Variants in FAT4 observed in about 807,000 individuals in gnomAD.
The protein encoded by FAT4 is FAT atypical cadherin 4.
FAT4 carries 84 observed loss-of-function variants against 303.9 expected under a neutral mutation model. The observed-to-expected ratio is 0.28, with a 90% CI of 0.23 to 0.33. FAT4 has a LOEUF of 0.33. FAT4 is among the 10% of genes least tolerant of loss of function. The probability of loss-of-function intolerance (pLI) is 1.00; values close to 1 mark genes in which losing one functional copy is unlikely to be tolerated. For synonymous variants in FAT4, 2,307 were observed against 2,298.8 expected (o/e 1.00, Z -0.10); for missense variants, 6,005 against 6,146.8 (o/e 0.98, Z 0.77).
chr4:125,394,584 GT>G (rs1734096645), intron 2 of FAT4, among the ~76,000 whole-genome samples: 1 of 152,072 alleles, frequency 6.6e-6, no homozygotes, highest in Admixed American at 6.6e-5. Flanking sequence ...AAATAAAAGG[GT>G]TTTAAGAATT....
chr4:125,394,352 C>A (rs1578592552), intron 2 of FAT4, among the ~76,000 whole-genome samples: 3 of 152,004 alleles, frequency 2.0e-5, no homozygotes, highest in African/African-American at 4.8e-5. Flanking sequence ...GCAATTTTAC[C>A]TCCAGTCTAA....
intron 2 of FAT4, among the ~76,000 whole-genome samples, chr4:125,376,945 C>T (rs117838349): frequency 2.0e-5 from 3 of 152,044 alleles, no homozygotes; most frequent in Middle Eastern, 3.4e-3. Flanking sequence ...TTGGATGCCA[C>T]GATTAAATAT....
At chr4:125,351,229 A>AAG (rs1732213490) in intron 2 of FAT4, among the ~76,000 whole-genome samples, 2 of 151,784 alleles carry the variant, frequency 1.3e-5, no homozygotes, top group South Asian at 4.1e-4. Context: ...ATATGAAGAT[A>AAG]AGTTTGGTGC....
chr4:125,416,461 A>G lies in FAT4; in HGVS notation c.6857A>G (p.Asp2286Gly). The G allele has an allele frequency of 6.2e-7, 1 of 1,613,428 alleles. No individual in the cohort carries two copies. The highest frequency in any genetic ancestry group is 8.5e-7 in the Non-Finnish European group (1 of 1,179,626). ...ACTGTTCTACAGGTGGTGGCAAGAG[A>G]TGATGATCGAGGATCTAACAGCAAA... ...PRTILQVVAR[D>G]DDRGSNSKLS... Residue 2286 changes from aspartate (D) to glycine (G), a missense_variant, in exon 7 of 18, where the codon GAT becomes GGT. By Grantham distance (94) the Asp-to-Gly change is moderately conservative. Coordinates refer to ENST00000394329, the MANE Select transcript of FAT4 (RefSeq NM_001291303.3).
At position 125,451,432 on chromosome 4, in the gene FAT4, C is replaced by A; in HGVS notation, c.10422C>A (p.Thr3474=). The A allele has an allele frequency of 2.5e-6, 4 of 1,614,098 alleles. No individual in the cohort carries two copies. The highest frequency in any genetic ancestry group is 1.1e-5 in the South Asian group (1 of 91,080). The stretch of plus-strand genomic sequence containing the variant: ...TTACTGCAGAATTAGATCGAGAAAC[C>A]CTTCCCATCTATAATCTCTCAGTTT... ...ITVTAELDRE[T]LPIYNLSVLA... is the part of the protein sequence containing the mutation. The change falls in exon 10 of 18, where the codon ACC becomes ACA. Residue 3474 remains threonine, a synonymous_variant. Coordinates refer to ENST00000394329, the MANE Select transcript of FAT4 (RefSeq NM_001291303.3).
In FAT4 at chr4:125,448,675, A is replaced by T. The variant is rs751226770; in HGVS notation, c.7665A>T (p.Thr2555=). Residue 2555 remains threonine (T), a synonymous_variant, in exon 10 of 18, where the codon ACA becomes ACT. Transcript: ENST00000394329. ...CATTTCCAAAGACAGATTCTACAAC[A>T]GTGACTGTTAGATTCGTGAATAAGG... The part of the protein sequence containing the change: ...GGSFPKTDST[T]VTVRFVNKAD... 1 of 1,613,976 alleles carries T rather than the reference A, an allele frequency of 6.2e-7. No homozygotes were observed. The highest frequency in any genetic ancestry group is 8.5e-7 in the Non-Finnish European group (1 of 1,179,902).
Position 125,451,445 on chromosome 4 carries a change from A to T in FAT4, c.10435A>T (p.Asn3479Tyr). 1 of 1,614,122 alleles carries T rather than the reference A, an allele frequency of 6.2e-7. No individual in the cohort carries two copies. The highest frequency in any genetic ancestry group is 8.5e-7 in the Non-Finnish European group (1 of 1,180,024). ...AGATCGAGAAACCCTTCCCATCTAT[A>T]ATCTCTCAGTTTTGGCTGTTGATTC... is the stretch of plus-strand genomic sequence containing the variant. Reference protein sequence around the residue: ...ELDRETLPIYNLSVLAVDSGT... With the variant: ...ELDRETLPIYYLSVLAVDSGT... The change falls in exon 10 of 18, where the codon AAT (asparagine) becomes TAT (tyrosine). Residue 3479 changes from asparagine (N) to tyrosine (Y), a missense_variant. Coordinates refer to ENST00000394329, the MANE Select transcript of FAT4 (RefSeq NM_001291303.3).
chr4:125,472,350 A>G (rs920325556), intron 12 of FAT4, among the ~76,000 whole-genome samples: 1 of 152,150 alleles, frequency 6.6e-6, no homozygotes, highest in African/African-American at 2.4e-5. Flanking sequence ...AATTTTTGCC[A>G]CTAAATGTAT....
At chr4:125,477,591 C>T in intron 14 of FAT4, among the ~76,000 whole-genome samples, 1 of 149,916 alleles carries the variant, frequency 6.7e-6, no homozygotes, top group African/African-American at 2.5e-5. Flanking sequence ...ATGTTTTATC[C>T]TCTTACAGAG....
At chr4:125,327,470 C>G (rs1045530364) in intron 2 of FAT4, among the ~76,000 whole-genome samples, 1 of 152,024 alleles carries the variant, frequency 6.6e-6, no homozygotes, top group Non-Finnish European at 1.5e-5. Context: ...AAAAAACAGC[C>G]TGGGATAAAT....
intron 2 of FAT4, among the ~76,000 whole-genome samples, chr4:125,395,151 C>G (rs1734118512): frequency 6.6e-6 from 1 of 152,018 alleles, no homozygotes; most frequent in Non-Finnish European, 1.5e-5. Context: ...ATCTTCTCTC[C>G]TAGATAATTA....
chr4:125,377,576 TG>T (rs1733382512), intron 2 of FAT4, among the ~76,000 whole-genome samples: 1 of 152,134 alleles, frequency 6.6e-6, no homozygotes, highest in South Asian at 2.1e-4. Flanking sequence ...CATACTTGAG[TG>T]GTTATTCTGC....
intron 7 of FAT4, among the ~76,000 whole-genome samples, chr4:125,417,991 A>G (rs572932023): frequency 3.9e-5 from 6 of 152,306 alleles, no homozygotes; most frequent in African/African-American, 1.4e-4. Flanking sequence ...TTTCAGGAGA[A>G]TGTGAGTTTT....
chr4:125,471,925 A>C (rs1302682987), intron 12 of FAT4, among the ~76,000 whole-genome samples: 2 of 138,410 alleles, frequency 1.4e-5, no homozygotes, highest in African/African-American at 2.7e-5. Flanking sequence ...AAAAAAAAAA[A>C]AATTAGCCCG....
Position 125,489,894 on chromosome 4 carries a change from C to G in FAT4, c.13085-7C>G. 1 of 775,868 alleles carries G rather than the reference C, an allele frequency of 1.3e-6. No individual in the cohort carries two copies. Among genetic ancestry groups the G allele is most frequent in the Non-Finnish European group, 1.8e-6 (1 of 567,540 alleles). The allele number at this position is 775,868 out of a possible 1,614,324, so 48.1% of individuals were successfully genotyped here. On this transcript the variant is annotated splice_polypyrimidine_tract_variant and splice_region_variant and intron_variant, in intron 17 of 17. Coordinates refer to ENST00000394329, the MANE Select transcript of FAT4 (RefSeq NM_001291303.3). The stretch of plus-strand genomic sequence containing the variant: ...GTAAAAAGCCTTACTCCTTCTTCTT[C>G]TCCCAGCAGGTTTTGATGGCTGCAT...
Position 125,315,700 on chromosome 4 carries a change from C to A in FAT4, c.-290C>A, listed in dbSNP as rs1434308889. Among the ~76,000 whole-genome samples the A allele has an allele frequency of 6.6e-6, 1 of 152,174 alleles. No individual in the cohort carries two copies. The highest frequency in any genetic ancestry group is 6.5e-5 in the Admixed American group (1 of 15,290). ...GGAGGGGAAGGGGCAGAGTTGAGCG[C>A]TCCCGGGTACGGGAGCCAGAGCGCG... is the stretch of plus-strand genomic sequence containing the variant. On this transcript the variant is annotated 5_prime_UTR_variant, in exon 1 of 18. Coordinates refer to ENST00000394329, the MANE Select transcript of FAT4 (RefSeq NM_001291303.3).
At chr4:125,435,582 C>T (rs2126045191) in intron 8 of FAT4, among the ~76,000 whole-genome samples, 1 of 152,306 alleles carries the variant, frequency 6.6e-6, no homozygotes, top group East Asian at 1.9e-4. Flanking sequence ...ATTCAGACCA[C>T]AATACTTGGT....
intron 7 of FAT4, among the ~76,000 whole-genome samples, chr4:125,428,913 C>T (rs1277995526): frequency 1.3e-5 from 2 of 152,088 alleles, no homozygotes; most frequent in Non-Finnish European, 2.9e-5. Context: ...ATCAGGAGCC[C>T]GTGTCATTAT....
intron 16 of FAT4, 120 bp downstream of exon 16, chr4:125,481,858 C>G: frequency 1.3e-6 from 1 of 785,396 alleles, no homozygotes; most frequent in South Asian, 1.7e-5. Flanking sequence ...CCGACTAATG[C>G]TGGGCACTAT....
Sources: allele counts gnomAD v4.1 joint callset (sites outside exome capture counted in the v4.1 genomes callset), GRCh38; gene constraint gnomAD v4.1.1; transcripts MANE v1.5; gene names NCBI Gene and HGNC (gene_info 2026-07-23, HGNC 2026-07-21).